The following BIN3 variants were observed in gnomAD, a reference collection of about 807,000 sequenced individuals.
BIN3 encodes bridging integrator 3.
In BIN3, 41 loss-of-function variants were observed where a neutral mutation model predicts 38.2. The ratio of observed to expected loss-of-function variants is 1.07; its 90% CI spans 0.84 to 1.39. BIN3 has a LOEUF of 1.39. BIN3 is among the 40% of genes most tolerant of loss of function. BIN3 has a pLI of 0.00. For synonymous variants in BIN3, 145 were observed against 122.6 expected, an observed-to-expected ratio of 1.18 and a Z score of -1.21; for missense variants, 361 against 324.3, an observed-to-expected ratio of 1.11 and a Z score of -0.87.
At chr8:22,664,276 A>T in intron 1 of BIN3, among the ~76,000 whole-genome samples, 1 of 152,234 alleles carries the variant, frequency 6.6e-6, no homozygotes, top group East Asian at 1.9e-4. Context: ...CTGCTCCAAG[A>T]TCTGGAAGAA....
Position 22,630,452 on chromosome 8 carries a change from T to C in BIN3, c.287A>G (p.Asn96Ser), listed in dbSNP as rs759183445. 95 of 1,613,860 alleles carry C rather than the reference T, an allele frequency of 5.9e-5. No homozygotes were observed. The highest frequency in any genetic ancestry group is 7.4e-5 in the Non-Finnish European group (87 of 1,179,858). Residue 96 changes from asparagine to serine, a missense_variant, in exon 5 of 9, where the codon AAT becomes AGT. Asn to Ser is a conservative substitution (Grantham distance 46, BLOSUM62 1). Transcript: ENST00000276416. Reference sequence around the variant, plus strand: ...CCAAGACCTAGTCACCTTTTCCTGATTGAAGGCATCCATCCGCTTCATGGC... The same window carrying C: ...CCAAGACCTAGTCACCTTTTCCTGACTGAAGGCATCCATCCGCTTCATGGC... Reference protein sequence around the residue: ...DTAMKRMDAFNQEKVNQIQKT... With the variant: ...DTAMKRMDAFSQEKVNQIQKT...
At chr8:22,664,892 A>C (rs1803363226) in intron 1 of BIN3, among the ~76,000 whole-genome samples, 1 of 152,252 alleles carries the variant, frequency 6.6e-6, no homozygotes. Context: ...CTGAGAAAAA[A>C]ACTGAATAAT....
intron 6 of BIN3, 183 bp from the exon 7 acceptor site, chr8:22,624,546 G>A (rs1018173986): frequency 4.3e-6 from 3 of 689,734 alleles, no homozygotes; most frequent in South Asian, 4.0e-5. Flanking sequence ...CCCTGCTCTA[G>A]GTCTTGGGGA....
chr8:22,640,911 G>A (rs1802533184), intron 2 of BIN3, among the ~76,000 whole-genome samples: 2 of 152,176 alleles, frequency 1.3e-5, no homozygotes, highest in African/African-American at 2.4e-5. Context: ...TGCCGCTCAA[G>A]GCCATCTGAC....
intron 6 of BIN3, 138 bp downstream of exon 6, chr8:22,629,826 T>C: frequency 1.2e-6 from 1 of 841,478 alleles, no homozygotes; most frequent in Non-Finnish European, 1.9e-6. Context: ...GTCACAGAGC[T>C]GACGTCCCCA....
chr8:22,644,760 T>G lies in BIN3; in HGVS notation c.52A>C (p.Lys18Gln). 6.2e-7 allele frequency: 1 copy of G among 1,611,930 alleles called. No homozygotes were observed. Among genetic ancestry groups the G allele is most frequent in the East Asian group, 2.2e-5 (1 of 44,850 alleles). Residue 18 changes from lysine to glutamine, a missense_variant, in exon 2 of 9, where the codon AAA (lysine) becomes CAA (glutamine). By Grantham distance (53) the Lys-to-Gln change is moderately conservative (BLOSUM62 1). Coordinates refer to ENST00000276416, the MANE Select transcript of BIN3 (RefSeq NM_018688.6). ...AAAACAATCGAGTTACTCACTGTTTTGGGCACAATCTGTTTCTTGGGCTGC... is the reference window on the plus strand; with the variant it reads ...AAAACAATCGAGTTACTCACTGTTTGGGGCACAATCTGTTTCTTGGGCTGC... ...IGQPKKQIVP[K>Q]TVERDFEREY...
At chr8:22,654,958 T>A (rs1803010005) in intron 1 of BIN3, among the ~76,000 whole-genome samples, 1 of 152,174 alleles carries the variant, frequency 6.6e-6, no homozygotes. Flanking sequence ...TATATAAGGG[T>A]TCCAATTTCT....
chr8:22,658,314 G>C (rs1803125486), intron 1 of BIN3, among the ~76,000 whole-genome samples: 1 of 152,180 alleles, frequency 6.6e-6, no homozygotes, highest in Admixed American at 6.5e-5. Context: ...AGGGGGGAAA[G>C]ATTCTATTTT....
chr8:22,659,340 C>T (rs4451313), intron 1 of BIN3, among the ~76,000 whole-genome samples: 11 of 152,286 alleles, frequency 7.2e-5, no homozygotes, highest in African/African-American at 2.4e-4. Context: ...AAATTGACCC[C>T]GACCCGCCAA....
In BIN3 at chr8:22,621,348, G is replaced by C; in HGVS notation, c.*74C>G. The stretch of plus-strand genomic sequence containing the variant: ...CCTCTGTCCCCAGCCTGTGAGAGGA[G>C]CAGCTAGCCCTGAGAAGGGCAAGGA... On this transcript the variant is annotated 3_prime_UTR_variant, in exon 9 of 9. Coordinates refer to ENST00000276416, the MANE Select transcript of BIN3 (RefSeq NM_018688.6). 1 of 1,518,884 alleles carries C rather than the reference G, an allele frequency of 6.6e-7. No homozygotes were observed. The highest frequency in any genetic ancestry group is 1.2e-5 in the South Asian group (1 of 80,024). 94.1% of individuals were successfully genotyped at this position (1,518,884 alleles called of 1,614,324 possible). A position where few individuals can be genotyped will look rare whatever the true frequency, so the allele number is the denominator to read the frequency against.
At position 22,664,763 on chromosome 8, in the gene BIN3, T is replaced by C. The variant is rs550290416; in HGVS notation, c.8+4281A>G. ...AAGTTACCAAGGGGGATCATAAGAC[T>C]GCACTGCTTGCGCAGACATAAGCAT... On this transcript the variant is annotated intron_variant, in intron 1 of 8. Coordinates refer to ENST00000276416, the MANE Select transcript of BIN3 (RefSeq NM_018688.6). Among the ~76,000 whole-genome samples the C allele has an allele frequency of 3.7e-4, 57 of 152,358 alleles. No homozygotes were observed. In the Middle Eastern group the frequency reaches 0.017, roughly 45 times the overall value.
chr8:22,650,951 T>C (rs1802871799), intron 1 of BIN3, among the ~76,000 whole-genome samples: 1 of 152,208 alleles, frequency 6.6e-6, no homozygotes, highest in African/African-American at 2.4e-5. Flanking sequence ...TTGTGAGTTT[T>C]CTTCCATCCT....
chr8:22,661,979 G>A (rs1328949656), intron 1 of BIN3, among the ~76,000 whole-genome samples: 1 of 151,984 alleles, frequency 6.6e-6, no homozygotes, highest in Non-Finnish European at 1.5e-5. Context: ...TTTTTTAGTA[G>A]AGACGGGGTT....
At chr8:22,658,077 G>C (rs1803114083) in intron 1 of BIN3, among the ~76,000 whole-genome samples, 1 of 152,252 alleles carries the variant, frequency 6.6e-6, no homozygotes, top group Non-Finnish European at 1.5e-5. Flanking sequence ...GAGCGTCTCT[G>C]AGTTCTGGAA....
intron 1 of BIN3, among the ~76,000 whole-genome samples, chr8:22,663,313 T>C (rs1203942542): frequency 6.6e-6 from 1 of 151,588 alleles, no homozygotes; most frequent in Non-Finnish European, 1.5e-5. Flanking sequence ...GGCTAACACT[T>C]ATAGTCCCAG....
At chr8:22,634,501 T>C (rs1802306152) in intron 4 of BIN3, 1 of 456,302 alleles carries the variant, frequency 2.2e-6, no homozygotes, top group Non-Finnish European at 4.4e-6. Context: ...TGTTTACACA[T>C]CAGTAACTGG....
In BIN3 at chr8:22,653,919, T is replaced by C. The variant is rs574218412; in HGVS notation, c.9-9116A>G. 1.5e-3 allele frequency among the ~76,000 whole-genome samples: 216 copies of C among 142,822 alleles called. 1 individual carries two copies. Among genetic ancestry groups the C allele is most frequent in the Non-Finnish European group, 2.6e-3 (167 of 65,438 alleles). 93.7% of individuals were successfully genotyped at this position (142,822 alleles called of 152,430 possible). On this transcript the variant is annotated intron_variant, in intron 1 of 8. Transcript: ENST00000276416. ...GTTGGGGTGTAGGACTCTTCATTCT[T>C]CTGCTAGGGTGGGGTGGGGTGGGGA... is the stretch of plus-strand genomic sequence containing the variant.
At chr8:22,630,348 G>A (rs961807379) in intron 5 of BIN3, 94 bp downstream of exon 5, 2 of 1,507,202 alleles carry the variant, frequency 1.3e-6, no homozygotes, top group African/African-American at 1.4e-5. Context: ...CCTGAGAGCA[G>A]AGGGAGCCCA....
chr8:22,649,509 C>T (rs1216785774), intron 1 of BIN3, among the ~76,000 whole-genome samples: 2 of 152,082 alleles, frequency 1.3e-5, no homozygotes, highest in African/African-American at 2.4e-5. Flanking sequence ...GGGAAAAACC[C>T]AGCCACGATT....
Sources: allele counts gnomAD v4.1 joint callset (sites outside exome capture counted in the v4.1 genomes callset), GRCh38; gene constraint gnomAD v4.1.1; transcripts MANE v1.5; gene names NCBI Gene and HGNC (gene_info 2026-07-23, HGNC 2026-07-21).